Variants in ZNF3 observed in about 807,000 individuals in gnomAD.
ZNF3 encodes zinc finger protein 3, also known as C2-H2 type zinc finger protein.
A neutral mutation model predicts 36.9 loss-of-function variants in ZNF3; 16 were observed. The observed-to-expected ratio is 0.43, with a 90% confidence interval of 0.29 to 0.66. The LOEUF is 0.66. Ranked by LOEUF, ZNF3 falls within the 30% of genes least tolerant of loss-of-function variation. ZNF3 has a pLI of 0.13. For synonymous variants in ZNF3, 201 were observed against 201.9 expected, an observed-to-expected ratio of 1.00 and a Z score of 0.04; for missense variants, 462 against 543.1, an observed-to-expected ratio of 0.85 and a Z score of 1.48.
In ZNF3 at chr7:100,070,521, G is replaced by C. The variant is rs1792965466; in HGVS notation, c.*622C>G. 1 of 985,518 alleles carries C rather than the reference G, an allele frequency of 1.0e-6. No individual in the cohort carries two copies. Among genetic ancestry groups the C allele is most frequent in the South Asian group, 4.7e-5 (1 of 21,286 alleles). 61.0% of individuals were successfully genotyped at this position (985,518 alleles called of 1,614,324 possible). The stretch of plus-strand genomic sequence containing the variant: ...AGGGGGTCTGCTGGCAATATCACCA[G>C]GTTTCTCTTGGAAACATGGTCTGGC... On this transcript the variant is annotated 3_prime_UTR_variant, in exon 6 of 6. Coordinates refer to ENST00000299667, the MANE Select transcript of ZNF3 (RefSeq NM_032924.5).
rs1794301965 is a variant in ZNF3 at position 100,077,425 on chromosome 7, G to A, written c.-68C>T. The stretch of plus-strand genomic sequence containing the variant: ...CGGGAAGCGGGTTTTAAAAGAGAAT[G>A]AGGAAGCACTGCAGAAGCAAAAGTT... On this transcript the variant is annotated 5_prime_UTR_variant, in exon 3 of 6. Transcript: ENST00000299667. The A allele has an allele frequency of 1.2e-6, 2 of 1,611,926 alleles. No homozygotes were observed. The highest frequency in any genetic ancestry group is 2.2e-5 in the South Asian group (2 of 91,000).
chr7:100,072,318 G>A, intron 5 of ZNF3, 106 bp from the exon 6 acceptor site: 1 of 1,068,844 alleles, frequency 9.4e-7, no homozygotes, highest in Non-Finnish European at 1.3e-6. Flanking sequence ...AAAAGCACAT[G>A]CCTACAAAGA....
chr7:100,063,880 A>G (rs1792476890), downstream of ZNF3: 8 of 1,614,194 alleles, frequency 5.0e-6, no homozygotes, highest in Non-Finnish European at 6.8e-6. Flanking sequence ...TTCTGTGATT[A>G]TCGCCAATAA....
chr7:100,072,098 G>A lies in ZNF3; in HGVS notation c.386C>T (p.Ala129Val). ...DISQGLKFKE[A>V]YEREVSLKRP... is the part of the protein sequence containing the mutation. ...TTTCAGACTGACTTCTCGTTCATAG[G>A]CTTCTTTAAACTTGAGACCCTGAGA... is the stretch of plus-strand genomic sequence containing the variant. Residue 129 changes from alanine to valine, a missense_variant, in exon 6 of 6, where the codon GCC becomes GTC. Physicochemically the swap from Ala to Val is moderately conservative, Grantham distance 64. Transcript: ENST00000299667. 2 of 1,614,152 alleles carry A rather than the reference G, an allele frequency of 1.2e-6. No individual in the cohort carries two copies. Among genetic ancestry groups the A allele is most frequent in the Non-Finnish European group, 1.7e-6 (2 of 1,180,028 alleles).
chr7:100,075,478 CT>C, intron 4 of ZNF3, 63 bp downstream of exon 4: 1 of 1,592,150 alleles, frequency 6.3e-7, no homozygotes, highest in Non-Finnish European at 8.6e-7. Flanking sequence ...GGGTTTAAAG[CT>C]CTGAATGGGA....
downstream of ZNF3, chr7:100,069,964 C>T (rs546712217): frequency 5.1e-6 from 5 of 985,850 alleles, no homozygotes; most frequent in East Asian, 5.7e-4. Flanking sequence ...CACAAAACCA[C>T]ACTCAATCTC....
Position 100,070,880 on chromosome 7 carries a change from A to T in ZNF3, c.*263T>A. On this transcript the variant is annotated 3_prime_UTR_variant, in exon 6 of 6. Transcript: ENST00000299667. ...GAAAGGTTCCTCTGCTGTGAGAAAA[A>T]CAGTTTAGTGCAAACTCCTTTCCTA... 1 of 1,237,738 alleles carries T rather than the reference A, an allele frequency of 8.1e-7. No individual in the cohort carries two copies. Among genetic ancestry groups the T allele is most frequent in the Non-Finnish European group, 1.0e-6 (1 of 988,478 alleles). 76.7% of individuals were successfully genotyped at this position (1,237,738 alleles called of 1,614,324 possible). A position where few individuals can be genotyped will look rare whatever the true frequency, so the allele number is the denominator to read the frequency against.
exon 6 of ZNF3, chr7:100,064,710 G>C: frequency 6.2e-7 from 1 of 1,608,834 alleles, no homozygotes; most frequent in Non-Finnish European, 8.5e-7. Context: ...CGATTCCGGT[G>C]ATAGAGTTTG....
chr7:100,071,397 T>C lies in ZNF3; in HGVS notation c.1087A>G (p.Thr363Ala). ...ATACATTCGTAGGGCTTCTCTCCAG[T>C]GTGGATTCTCTGGTGCTGATAGAGG... Reference protein sequence around the residue: ...SHLYQHQRIHTGEKPYECMEC... With the variant: ...SHLYQHQRIHAGEKPYECMEC... Residue 363 changes from threonine (T) to alanine (A), a missense_variant, in exon 6 of 6, where the codon ACT becomes GCT. Thr to Ala is a moderately conservative substitution (Grantham distance 58). Transcript: ENST00000299667. The C allele has an allele frequency of 6.2e-7, 1 of 1,614,230 alleles. No individual in the cohort carries two copies. The highest frequency in any genetic ancestry group is 8.5e-7 in the Non-Finnish European group (1 of 1,180,050).
exon 6 of ZNF3, chr7:100,064,903 T>C: frequency 6.2e-7 from 1 of 1,614,068 alleles, no homozygotes; most frequent in Non-Finnish European, 8.5e-7. Context: ...TAAACAGACG[T>C]GTATCCAGTC....
At chr7:100,072,555 A>G (rs759081474) in intron 5 of ZNF3, among the ~76,000 whole-genome samples, 6 of 152,202 alleles carry the variant, frequency 3.9e-5, no homozygotes, top group Non-Finnish European at 7.3e-5. Context: ...AGGTCAGGGC[A>G]GTGGATATAA....
In ZNF3 at chr7:100,071,296, A is replaced by G. The variant is rs1793099430; in HGVS notation, c.1188T>C (p.Tyr396=). ...HQRIHTGENP[Y]ECSECGKAFR... The stretch of plus-strand genomic sequence containing the variant: ...AGGCTTTCCCACACTCACTACATTC[A>G]TAGGGGTTCTCCCCGGTGTGGATTC... Residue 396 remains tyrosine, a synonymous_variant, in exon 6 of 6, where the codon TAT becomes TAC. Coordinates refer to ENST00000299667, the MANE Select transcript of ZNF3 (RefSeq NM_032924.5). The G allele has an allele frequency of 1.2e-6, 2 of 1,614,110 alleles. No homozygotes were observed. Among genetic ancestry groups the G allele is most frequent in the Non-Finnish European group, 1.7e-6 (2 of 1,180,044 alleles).
At chr7:100,069,613 G>A (rs574484115), downstream of ZNF3, among the ~76,000 whole-genome samples, 2 of 150,768 alleles carry the variant, frequency 1.3e-5, no homozygotes, top group East Asian at 3.9e-4. Flanking sequence ...TTACCAACAT[G>A]TCTTGTCTTT....
downstream of ZNF3, among the ~76,000 whole-genome samples, chr7:100,067,546 A>G (rs908412378): frequency 1.3e-5 from 2 of 152,168 alleles, no homozygotes; most frequent in African/African-American, 4.8e-5. Context: ...CTGGGACTAC[A>G]GATGTGTGCC....
chr7:100,081,027 T>G lies in ZNF3; in HGVS notation c.-198+608A>C, dbSNP rs1434111072. Among the ~76,000 whole-genome samples, 2 of 152,276 alleles carry G rather than the reference T, an allele frequency of 1.3e-5. No individual in the cohort carries two copies. Among genetic ancestry groups the G allele is most frequent in the East Asian group, 3.9e-4 (2 of 5,174 alleles). ...GCCCTTCAGAGTGTAAACACCGATG[T>G]GGATTCAATCCCACTTCCGGAGAGA... On this transcript the variant is annotated intron_variant, in intron 1 of 5. Coordinates refer to ENST00000299667, the MANE Select transcript of ZNF3 (RefSeq NM_032924.5). This position sits in a 1 kb window ranked among gnomAD's most constrained non-coding sequence, Gnocchi z 4.3.
chr7:100,068,622 G>C (rs1261953207), downstream of ZNF3, among the ~76,000 whole-genome samples: 1 of 147,996 alleles, frequency 6.8e-6, no homozygotes, highest in Non-Finnish European at 1.5e-5. Context: ...GCCTGGGCAA[G>C]AGCAAGACTC....
In ZNF3 at chr7:100,071,060, CA is replaced by C; in HGVS notation, c.*82del. The C allele has an allele frequency of 1.3e-6, 2 of 1,513,284 alleles. No homozygotes were observed. The highest frequency in any genetic ancestry group is 2.7e-5 in the South Asian group (2 of 73,150). The allele number at this position is 1,513,284 out of a possible 1,614,324, so 93.7% of individuals were successfully genotyped here. ...TGAAAAGTCTGAGTTGAAAGGGACA[CA>C]TCCTAAGCTGTTGAGATTTATAGGG... is the stretch of plus-strand genomic sequence containing the variant. On this transcript the variant is annotated 3_prime_UTR_variant, in exon 6 of 6. Coordinates refer to ENST00000299667, the MANE Select transcript of ZNF3 (RefSeq NM_032924.5).
chr7:100,070,173 T>TC lies in ZNF3; in HGVS notation c.*969_*970insG. 9.1e-6 allele frequency: 9 copies of TC among 984,976 alleles called. No homozygotes were observed. The highest frequency in any genetic ancestry group is 1.1e-5 in the Non-Finnish European group (9 of 829,842). The allele number at this position is 984,976 out of a possible 1,614,324, so 61.0% of individuals were successfully genotyped here. A position where few individuals can be genotyped will look rare whatever the true frequency, so the allele number is the denominator to read the frequency against. On this transcript the variant is annotated 3_prime_UTR_variant, in exon 6 of 6. Coordinates refer to ENST00000299667, the MANE Select transcript of ZNF3 (RefSeq NM_032924.5). Reference sequence around the variant, plus strand: ...TCGTTTTTTTGTTTTTTTGTTTTTTTTTTCTCCCTTTTGGGCTTTGCTCTT... The same window carrying TC: ...TCGTTTTTTTGTTTTTTTGTTTTTTTCTTTCTCCCTTTTGGGCTTTGCTCTT...
Position 100,070,754 on chromosome 7 carries a change from A to AC in ZNF3, c.*388dup, listed in dbSNP as rs1203244657. On this transcript the variant is annotated 3_prime_UTR_variant, in exon 6 of 6. Coordinates refer to ENST00000299667, the MANE Select transcript of ZNF3 (RefSeq NM_032924.5). ...TTTACCCTCCCTAGCAAATAACAGG[A>AC]CCCAGAGCGTCCTTTCCACTGCTGT... The AC allele has an allele frequency of 2.1e-5, 21 of 1,016,046 alleles. No individual in the cohort carries two copies. The East Asian group carries it at 1.6e-3, about 78-fold the overall frequency. 62.9% of individuals were successfully genotyped at this position (1,016,046 alleles called of 1,614,324 possible).
Sources: allele counts gnomAD v4.1 joint callset (sites outside exome capture counted in the v4.1 genomes callset), GRCh38; gene constraint gnomAD v4.1.1; non-coding constraint Gnocchi (gnomAD v3.1); transcripts MANE v1.5; gene names NCBI Gene and HGNC (gene_info 2026-07-23, HGNC 2026-07-21).